Variants in ICA1L observed in about 807,000 individuals in gnomAD.
ICA1L encodes islet cell autoantigen 1-like protein.
A neutral mutation model predicts 61.3 loss-of-function variants in ICA1L; 50 were observed. The observed-to-expected ratio is 0.82, with a 90% confidence interval of 0.65 to 1.03. The LOEUF is 1.03. ICA1L is among the 50% of genes least tolerant of loss of function. The pLI, the probability that ICA1L is intolerant of heterozygous loss-of-function variation, is 0.00. For synonymous variants in ICA1L, 161 were observed against 191.3 expected (o/e 0.84, Z 1.31); for missense variants, 508 against 556.7 (o/e 0.91, Z 0.88).
chr2:202,795,562 T>C (rs1692900100), intron 10 of ICA1L, among the ~76,000 whole-genome samples: 1 of 151,114 alleles, frequency 6.6e-6, no homozygotes, highest in Non-Finnish European at 1.5e-5. Context: ...ACCATTGCAC[T>C]CCAGCCTGGG....
chr2:202,817,632 A>C, intron 5 of ICA1L, 89 bp from the exon 6 acceptor site: 1 of 589,274 alleles, frequency 1.7e-6, no homozygotes, highest in Non-Finnish European at 2.6e-6. Context: ...CAGGTTCATA[A>C]TAAATATTTT....
rs188210664 is a variant in ICA1L at position 202,778,254 on chromosome 2, C to T, written c.*1279G>A. 6.6e-6 allele frequency: 1 copy of T among 152,216 alleles called. No homozygotes were observed. Among genetic ancestry groups the T allele is most frequent in the African/African-American group, 2.4e-5 (1 of 41,554 alleles). 9.4% of individuals were successfully genotyped at this position (152,216 alleles called of 1,614,324 possible). ...AAACAAACACACACTTGGGAAATTG[C>T]TTCAAAATTAAAGGGTGGGCAATTT... On this transcript the variant is annotated 3_prime_UTR_variant, in exon 13 of 13. Coordinates refer to ENST00000358299, the MANE Select transcript of ICA1L (RefSeq NM_001288622.3).
chr2:202,815,197 A>C (rs984714010), intron 7 of ICA1L, among the ~76,000 whole-genome samples: 13 of 152,234 alleles, frequency 8.5e-5, no homozygotes, highest in Non-Finnish European at 1.8e-4. Context: ...TTATATTAAA[A>C]GTAAAAACAA....
At chr2:202,799,253 C>T (rs1248344923) in intron 9 of ICA1L, among the ~76,000 whole-genome samples, 2 of 152,104 alleles carry the variant, frequency 1.3e-5, no homozygotes, top group Non-Finnish European at 2.9e-5. Flanking sequence ...TATAACAGTC[C>T]TCTTTTCTCT....
chr2:202,784,604 G>T (rs1338557146), intron 12 of ICA1L, among the ~76,000 whole-genome samples: 2 of 152,152 alleles, frequency 1.3e-5, no homozygotes, highest in Non-Finnish European at 2.9e-5. Flanking sequence ...CAGATAACCA[G>T]TTGTGTTGTA....
chr2:202,811,852 CCAAA>C (rs532633443), intron 8 of ICA1L, 63 bp from the exon 9 acceptor site: 237 of 1,214,306 alleles, frequency 2.0e-4, no homozygotes, highest in Non-Finnish European at 2.5e-4. Flanking sequence ...TTCATATTCC[CCAAA>C]CAGTTTTATA....
intron 12 of ICA1L, among the ~76,000 whole-genome samples, chr2:202,780,459 AGT>A (rs1692368227): frequency 6.6e-6 from 1 of 152,138 alleles, no homozygotes; most frequent in Non-Finnish European, 1.5e-5. Context: ...GATATTCAAG[AGT>A]GTATATTTGG....
intron 1 of ICA1L, among the ~76,000 whole-genome samples, chr2:202,862,165 G>A (rs1356309590): frequency 2.0e-5 from 3 of 147,532 alleles, no homozygotes; most frequent in African/African-American, 7.5e-5. Flanking sequence ...GAAACCAGGT[G>A]TTGTAGCTCC....
In ICA1L at chr2:202,849,075, G is replaced by A. The variant is rs996760757; in HGVS notation, c.-7-20059C>T. Among the ~76,000 whole-genome samples, 1 of 152,104 alleles carries A rather than the reference G, an allele frequency of 6.6e-6. No homozygotes were observed. The highest frequency in any genetic ancestry group is 1.5e-5 in the Non-Finnish European group (1 of 68,016). On this transcript the variant is annotated intron_variant, in intron 1 of 12. Transcript: ENST00000358299. The surrounding 1 kb of genome is among the most constrained non-coding windows in gnomAD (Gnocchi z 4.5). Reference sequence around the variant, plus strand: ...CCCCCAGCCAAGGGAAGCCACGAGGGACTGTGCTGTCTGGCCCAGATACTA... The same window carrying A: ...CCCCCAGCCAAGGGAAGCCACGAGGAACTGTGCTGTCTGGCCCAGATACTA...
Position 202,828,932 on chromosome 2 carries a change from A to G in ICA1L, c.78T>C (p.Thr26=). 1 of 1,613,004 alleles carries G rather than the reference A, an allele frequency of 6.2e-7. No homozygotes were observed. The highest frequency in any genetic ancestry group is 8.5e-7 in the Non-Finnish European group (1 of 1,179,614). Residue 26 remains threonine, a synonymous_variant, in exon 2 of 13, where the codon ACT becomes ACC. Transcript: ENST00000358299. ...VRRMQKKYWK[T]KQVFIKATGK... ...CTGTTGCTTTGATAAAGACCTGTTT[A>G]GTTTTCCAGTATTTCTTTTGCATTC...
chr2:202,835,215 C>CTTT (rs544503963), intron 1 of ICA1L, among the ~76,000 whole-genome samples: 14 of 120,636 alleles, frequency 1.2e-4, no homozygotes, highest in African/African-American at 1.9e-4. Flanking sequence ...TGATTTCTTC[C>CTTT]TTTTTTTTTT....
intron 1 of ICA1L, among the ~76,000 whole-genome samples, chr2:202,859,200 A>T (rs1694844836): frequency 6.6e-6 from 1 of 152,216 alleles, no homozygotes; most frequent in Non-Finnish European, 1.5e-5. Context: ...TGCCCCTCAA[A>T]CTGCCCTAAA....
rs1270016684 is a variant in ICA1L at position 202,775,981 on chromosome 2, T to G, written c.*3552A>C. The G allele has an allele frequency of 2.6e-5, 4 of 152,228 alleles. No homozygotes were observed. Among genetic ancestry groups the G allele is most frequent in the African/African-American group, 9.6e-5 (4 of 41,454 alleles). The allele number at this position is 152,228 out of a possible 1,614,324, so 9.4% of individuals were successfully genotyped here. ...AGGAAACAAACTCTTGTTTTATGCC[T>G]TCTTGCAATCTTTATTAAAAGAGGC... On this transcript the variant is annotated 3_prime_UTR_variant, in exon 13 of 13. Transcript: ENST00000358299.
intron 1 of ICA1L, among the ~76,000 whole-genome samples, chr2:202,856,438 C>T (rs561259451): frequency 3.9e-5 from 6 of 152,040 alleles, no homozygotes; most frequent in African/African-American, 9.7e-5. Context: ...CACCCCTTCA[C>T]GCTAAAAACT....
intron 1 of ICA1L, among the ~76,000 whole-genome samples, chr2:202,832,512 TAC>T (rs1288387745): frequency 6.7e-6 from 1 of 149,966 alleles, no homozygotes; most frequent in African/African-American, 2.4e-5. Context: ...TATTAACATA[TAC>T]ACAGACTTAA....
At chr2:202,840,627 T>C (rs1694300624) in intron 1 of ICA1L, 7 of 579,598 alleles carry the variant, frequency 1.2e-5, no homozygotes, top group Non-Finnish European at 2.3e-5. Flanking sequence ...GTGATCTTGA[T>C]GTCCAGGGCC....
rs1326594500 is a variant in ICA1L at position 202,776,365 on chromosome 2, A to G, written c.*3168T>C. 1 of 151,750 alleles carries G rather than the reference A, an allele frequency of 6.6e-6. No individual in the cohort carries two copies. Among genetic ancestry groups the G allele is most frequent in the East Asian group, 1.9e-4 (1 of 5,198 alleles). 9.4% of individuals were successfully genotyped at this position (151,750 alleles called of 1,614,324 possible). On this transcript the variant is annotated 3_prime_UTR_variant, in exon 13 of 13. Transcript: ENST00000358299. ...TTATCCAGTATAACATAAAGTATAG[A>G]TATTTCTCCCCATTTAACATAAAAA...
intron 1 of ICA1L, among the ~76,000 whole-genome samples, chr2:202,831,087 C>T (rs1368571923): frequency 3.3e-5 from 5 of 152,138 alleles, no homozygotes; most frequent in Non-Finnish European, 2.9e-5. Context: ...AAATAAAAAG[C>T]ATAAAATAGA....
At chr2:202,780,776 C>G (rs182683839) in intron 12 of ICA1L, among the ~76,000 whole-genome samples, 3 of 152,220 alleles carry the variant, frequency 2.0e-5, no homozygotes, top group Non-Finnish European at 4.4e-5. Flanking sequence ...TTTCTGAGTA[C>G]CCTGAAGTAG....
Sources: allele counts gnomAD v4.1 joint callset (sites outside exome capture counted in the v4.1 genomes callset), GRCh38; gene constraint gnomAD v4.1.1; non-coding constraint Gnocchi (gnomAD v3.1); transcripts MANE v1.5; gene names NCBI Gene and HGNC (gene_info 2026-07-23, HGNC 2026-07-21).